The following KCNH8 variants were observed in gnomAD, a reference collection of about 807,000 sequenced individuals.
The protein encoded by KCNH8 is potassium voltage-gated channel subfamily H member 8.
In KCNH8, 70 loss-of-function variants were observed where a neutral mutation model predicts 103.6. That is an observed-to-expected ratio of 0.68 (90% CI 0.56 to 0.82). The LOEUF is 0.82. KCNH8 is among the 40% of genes least tolerant of loss of function. KCNH8 has a pLI of 0.00. For missense variants in KCNH8, 1,217 were observed against 1,329.9 expected, an observed-to-expected ratio of 0.92 and a Z score of 1.32; for synonymous variants, 498 against 489.4, an observed-to-expected ratio of 1.02 and a Z score of -0.23.
intron 1 of KCNH8, 82 bp downstream of exon 1, chr3:19,148,877 C>T: frequency 1.7e-6 from 2 of 1,196,844 alleles, no homozygotes; most frequent in Non-Finnish European, 2.5e-6. Context: ...TCCCACCTTC[C>T]CTTTTGCACC....
rs780091643 is a variant in KCNH8, at chr3:19,319,005, GTTTA to G, written c.443-23566_443-23563del. Among the ~76,000 whole-genome samples, 23 of 151,284 alleles carry G rather than the reference GTTTA, an allele frequency of 1.5e-4. No individual in the cohort carries two copies. The South Asian group carries it at 2.5e-3, about 16-fold the overall frequency. ...AGCTCACTTTTTGATGGGATTATTTGTTTATTTATTTATTTATTTTGCTGATTTA... is the reference window on the plus strand; with the variant it reads ...AGCTCACTTTTTGATGGGATTATTTGTTTATTTATTTATTTTGCTGATTTA... On this transcript the variant is annotated intron_variant, in intron 3 of 15. Transcript: ENST00000328405.
rs999189042 is a variant in KCNH8 at position 19,421,641 on chromosome 3, CT to C, written c.1178-16515del. On this transcript the variant is annotated intron_variant, in intron 7 of 15. Coordinates refer to ENST00000328405, the MANE Select transcript of KCNH8 (RefSeq NM_144633.3). ...AAAAGTTCATATCAGATACACTGAG[CT>C]TTTTTTTAGTAACATTTCTACAATG... Among the ~76,000 whole-genome samples, 11 of 151,660 alleles carry C rather than the reference CT, an allele frequency of 7.3e-5. No homozygotes were observed. The East Asian group carries it at 1.5e-3, about 21-fold the overall frequency.
At chr3:19,490,148 C>T (rs1326198276) in intron 11 of KCNH8, among the ~76,000 whole-genome samples, 1 of 152,208 alleles carries the variant, frequency 6.6e-6, no homozygotes, top group East Asian at 1.9e-4. Context: ...CAGGGATGCT[C>T]CACAGGGCAG....
chr3:19,433,696 T>C (rs1047674538), intron 7 of KCNH8, among the ~76,000 whole-genome samples: 2 of 152,228 alleles, frequency 1.3e-5, no homozygotes, highest in African/African-American at 4.8e-5. Context: ...AATTCAGAAA[T>C]GTAAGACACT....
In KCNH8 at chr3:19,424,797, C is replaced by G. The variant is rs905647067; in HGVS notation, c.1178-13367C>G. Among the ~76,000 whole-genome samples, 4 of 151,808 alleles carry G rather than the reference C, an allele frequency of 2.6e-5. No homozygotes were observed. In the East Asian group the frequency reaches 7.7e-4, roughly 29 times the overall value. On this transcript the variant is annotated intron_variant, in intron 7 of 15. Transcript: ENST00000328405. The stretch of plus-strand genomic sequence containing the variant: ...AAGTGGGCAAAGGACATGAATAGAC[C>G]GTTCTCAAAAGAAGATATACAAATG...
chr3:19,322,970 T>C (rs1050817198), intron 3 of KCNH8, among the ~76,000 whole-genome samples: 2 of 152,204 alleles, frequency 1.3e-5, no homozygotes, highest in African/African-American at 4.8e-5. Context: ...TTCTACTTGT[T>C]CAATTCTGTT....
At chr3:19,242,285 T>G (rs961371552) in intron 1 of KCNH8, among the ~76,000 whole-genome samples, 9 of 152,212 alleles carry the variant, frequency 5.9e-5, no homozygotes, top group Non-Finnish European at 1.2e-4. Flanking sequence ...GTTAGCACCA[T>G]TCCACGGTCA....
At chr3:19,267,291 G>A (rs999529047) in intron 2 of KCNH8, among the ~76,000 whole-genome samples, 3 of 152,032 alleles carry the variant, frequency 2.0e-5, no homozygotes, top group African/African-American at 7.2e-5. Flanking sequence ...AAATCCCCAT[G>A]CCTGATGATG....
chr3:19,259,869 C>G (rs917606689), intron 2 of KCNH8, among the ~76,000 whole-genome samples: 2 of 151,742 alleles, frequency 1.3e-5, no homozygotes, highest in East Asian at 1.9e-4. Flanking sequence ...GAGAATGCCT[C>G]CAAAGGGGGA....
At chr3:19,236,491 T>C (rs2064067130) in intron 1 of KCNH8, among the ~76,000 whole-genome samples, 1 of 151,446 alleles carries the variant, frequency 6.6e-6, no homozygotes, top group Admixed American at 6.6e-5. Flanking sequence ...GTATGTACAC[T>C]GCGTGGTGTA....
intron 1 of KCNH8, among the ~76,000 whole-genome samples, chr3:19,249,711 A>G (rs2064251748): frequency 6.6e-6 from 1 of 152,210 alleles, no homozygotes; most frequent in South Asian, 2.1e-4. Flanking sequence ...TATGTCCTAA[A>G]TATTTAAAAA....
chr3:19,476,641 C>T (rs2067982388), intron 11 of KCNH8, among the ~76,000 whole-genome samples: 1 of 152,192 alleles, frequency 6.6e-6, no homozygotes, highest in African/African-American at 2.4e-5. Context: ...ATTCCCAAAT[C>T]ATTGATTTGG....
At position 19,450,073 on chromosome 3, in the gene KCNH8, C is replaced by A. The variant is rs371841487; in HGVS notation, c.1376-33C>A. 8.2e-6 allele frequency: 13 copies of A among 1,580,072 alleles called. No homozygotes were observed. In the African/African-American group the frequency reaches 1.3e-4, roughly 16 times the overall value. ...ACGTGGTGGGCCTCATGTCACATTT[C>A]TCTTCCATTATATACTGTGTTGTTC... On this transcript the variant is annotated intron_variant, in intron 8 of 15. Transcript: ENST00000328405.
chr3:19,191,334 A>G (rs1575425518), intron 1 of KCNH8, among the ~76,000 whole-genome samples: 1 of 151,818 alleles, frequency 6.6e-6, no homozygotes, highest in East Asian at 1.9e-4. Context: ...GTTGTATTTT[A>G]TCAACCTTCT....
chr3:19,528,905 A>C (rs1415553680), intron 15 of KCNH8, among the ~76,000 whole-genome samples: 1 of 152,162 alleles, frequency 6.6e-6, no homozygotes, highest in African/African-American at 2.4e-5. Context: ...CATGTGATGC[A>C]AAGTGGTCAG....
chr3:19,520,233 C>A (rs886667435), intron 15 of KCNH8, among the ~76,000 whole-genome samples: 5 of 151,428 alleles, frequency 3.3e-5, no homozygotes, highest in African/African-American at 1.2e-4. Flanking sequence ...TCCCCTAGCC[C>A]CCCGAGATGA....
intron 11 of KCNH8, among the ~76,000 whole-genome samples, chr3:19,458,474 G>A (rs925347108): frequency 3.3e-5 from 5 of 151,782 alleles, no homozygotes; most frequent in African/African-American, 1.2e-4. Flanking sequence ...ACTTATTAAG[G>A]ATCCTTATCT....
At chr3:19,343,962 T>C (rs2065695465) in intron 4 of KCNH8, among the ~76,000 whole-genome samples, 1 of 88,864 alleles carries the variant, frequency 1.1e-5, no homozygotes, top group Non-Finnish European at 2.2e-5. Context: ...TGGTGTGCCA[T>C]GTACCACTGT....
chr3:19,420,727 T>G (rs2066938209), intron 7 of KCNH8, among the ~76,000 whole-genome samples: 1 of 152,176 alleles, frequency 6.6e-6, no homozygotes, highest in African/African-American at 2.4e-5. Flanking sequence ...TTTATATGTT[T>G]CATACAAAAA....
Sources: allele counts gnomAD v4.1 joint callset (sites outside exome capture counted in the v4.1 genomes callset), GRCh38; gene constraint gnomAD v4.1.1; transcripts MANE v1.5; gene names NCBI Gene and HGNC (gene_info 2026-07-23, HGNC 2026-07-21).